TMEM232: variants seen among roughly 807,000 people sequenced by gnomAD.
The protein encoded by TMEM232 is transmembrane protein 232.
In TMEM232, 80 loss-of-function variants were observed where a neutral mutation model predicts 78.8. The observed-to-expected ratio is 1.01, with a 90% confidence interval of 0.85 to 1.22. TMEM232 has a LOEUF of 1.22. TMEM232 is among the 50% of genes most tolerant of loss of function. The pLI is 0.00. For missense variants in TMEM232, 881 were observed against 742.2 expected (o/e 1.19, Z -2.17); for synonymous variants, 297 against 254.3 (o/e 1.17, Z -1.60).
At chr5:110,685,466 T>C (rs1017570434) in intron 1 of TMEM232, among the ~76,000 whole-genome samples, 7 of 152,110 alleles carry the variant, frequency 4.6e-5, no homozygotes, top group Non-Finnish European at 1.0e-4. Flanking sequence ...AACTTCTATT[T>C]CACACTAACT....
chr5:110,679,576 T>A (rs1287975332), intron 1 of TMEM232, among the ~76,000 whole-genome samples: 1 of 152,214 alleles, frequency 6.6e-6, no homozygotes, highest in Non-Finnish European at 1.5e-5. Context: ...TTTGGTGTCA[T>A]ATCTAAAAAG....
At chr5:110,648,677 A>C (rs1787863208) in intron 2 of TMEM232, among the ~76,000 whole-genome samples, 1 of 151,910 alleles carries the variant, frequency 6.6e-6, no homozygotes, top group Admixed American at 6.6e-5. Flanking sequence ...TTATGGTAAA[A>C]CAAACAAACA....
At position 110,420,474 on chromosome 5, in the gene TMEM232, T is replaced by A; in HGVS notation, c.*106A>T. 4 of 681,590 alleles carry A rather than the reference T, an allele frequency of 5.9e-6. No homozygotes were observed. The highest frequency in any genetic ancestry group is 8.8e-6 in the Non-Finnish European group (4 of 455,572). 42.2% of individuals were successfully genotyped at this position (681,590 alleles called of 1,614,324 possible). A position where few individuals can be genotyped will look rare whatever the true frequency, so the allele number is the denominator to read the frequency against. On this transcript the variant is annotated 3_prime_UTR_variant, in exon 14 of 14. Transcript: ENST00000455884. ...ATTCTTTCTAAACAATACCTCCATT[T>A]AATGACAAGAAAGTTCTCTTACTAT...
rs1203041703 is a variant in TMEM232 at position 110,394,427 on chromosome 5, T to G, written n.390+3346A>C. Among the ~76,000 whole-genome samples the G allele has an allele frequency of 2.0e-5, 3 of 152,236 alleles. No homozygotes were observed. The East Asian group carries it at 5.8e-4, about 29-fold the overall frequency. On this transcript the variant is annotated intron_variant and non_coding_transcript_variant, in intron 3 of 8. Coordinates refer to the TMEM232 transcript ENST00000507188. The stretch of plus-strand genomic sequence containing the variant: ...TGCAGTAAACATGAGAGTGCAGATT[T>G]CTTATCAATATACTGATTTCCTTTC...
At position 110,568,332 on chromosome 5, in the gene TMEM232, C is replaced by T. The variant is rs529778915; in HGVS notation, c.1455+115G>A. 3.0e-4 allele frequency: 296 copies of T among 979,666 alleles called. 3 individuals are homozygous for T. The South Asian group carries it at 5.3e-3, about 18-fold the overall frequency. The allele number at this position is 979,666 out of a possible 1,614,324, so 60.7% of individuals were successfully genotyped here. ...TTAAGTTTTAAAAATATTATTCTCA[C>T]CTGTAAGTCATTAATACTCACTGAA... is the stretch of plus-strand genomic sequence containing the variant. On this transcript the variant is annotated intron_variant, in intron 11 of 13. Coordinates refer to ENST00000455884, the MANE Select transcript of TMEM232 (RefSeq NM_001039763.4).
chr5:110,584,550 TGAA>T (rs753770187), intron 10 of TMEM232, among the ~76,000 whole-genome samples: 71 of 152,220 alleles, frequency 4.7e-4, no homozygotes, highest in Middle Eastern at 3.4e-3. Context: ...TAATACAAGA[TGAA>T]TAAGTTCTAG....
chr5:110,695,748 C>A (rs147964918), intron 1 of TMEM232, among the ~76,000 whole-genome samples: 1 of 152,136 alleles, frequency 6.6e-6, no homozygotes, highest in African/African-American at 2.4e-5. Flanking sequence ...AAAAACTAAA[C>A]CAGCAAGAAG....
At chr5:110,474,624 T>C (rs1763047597) in intron 12 of TMEM232, among the ~76,000 whole-genome samples, 3 of 151,928 alleles carry the variant, frequency 2.0e-5, no homozygotes, top group Admixed American at 2.0e-4. Flanking sequence ...CAGAAAAAAT[T>C]GTTATCCTTA....
intron 2 of TMEM232, among the ~76,000 whole-genome samples, chr5:110,652,991 G>A (rs1272432658): frequency 1.3e-5 from 2 of 152,144 alleles, no homozygotes; most frequent in Non-Finnish European, 2.9e-5. Flanking sequence ...TACATTATCT[G>A]TGAATTCTGT....
At chr5:110,734,134 T>C (rs1798942775) in intron 2 of TMEM232, among the ~76,000 whole-genome samples, 1 of 152,238 alleles carries the variant, frequency 6.6e-6, no homozygotes, top group Non-Finnish European at 1.5e-5. Context: ...ATCACCAAAA[T>C]AATCTTAGTG....
At chr5:110,532,448 T>C (rs976587671) in intron 11 of TMEM232, among the ~76,000 whole-genome samples, 1 of 151,842 alleles carries the variant, frequency 6.6e-6, no homozygotes, top group Non-Finnish European at 1.5e-5. Flanking sequence ...TTACCTTCTT[T>C]TCAAAGGCCT....
chr5:110,571,670 TTTTG>T (rs778515467), intron 10 of TMEM232, among the ~76,000 whole-genome samples: 21 of 151,150 alleles, frequency 1.4e-4, no homozygotes, highest in Admixed American at 1.1e-3. Flanking sequence ...TAGTTGTTTT[TTTTG>T]TTTGTTTGTT....
chr5:110,394,301 A>G (rs547270736), intron 3 of TMEM232, among the ~76,000 whole-genome samples: 16 of 152,308 alleles, frequency 1.1e-4, no homozygotes, highest in African/African-American at 3.8e-4. Flanking sequence ...TTTTATGTCT[A>G]CATGGTACTC....
At position 110,716,174 on chromosome 5, in the gene TMEM232, T is replaced by C. The variant is rs76728318; in HGVS notation, c.-13+10453A>G. Reference sequence around the variant, plus strand: ...CTCCTGAGGACTGTGTCATGGGCCATGGGTACTCGTATTTGGCTCAGAATA... The same window carrying C: ...CTCCTGAGGACTGTGTCATGGGCCACGGGTACTCGTATTTGGCTCAGAATA... On this transcript the variant is annotated intron_variant, in intron 1 of 13. Coordinates refer to ENST00000455884, the MANE Select transcript of TMEM232 (RefSeq NM_001039763.4). Among the ~76,000 whole-genome samples the C allele has an allele frequency of 2.8e-3, 428 of 152,204 alleles. 2 individuals carry two copies. Among genetic ancestry groups the C allele is most frequent in the Non-Finnish European group, 4.4e-3 (299 of 67,992 alleles).
At chr5:110,514,285 C>T (rs879528202) in intron 12 of TMEM232, among the ~76,000 whole-genome samples, 5 of 151,984 alleles carry the variant, frequency 3.3e-5, no homozygotes, top group Non-Finnish European at 7.4e-5. Flanking sequence ...AAAAGGAAAT[C>T]ATCATGAACC....
intron 1 of TMEM232, among the ~76,000 whole-genome samples, chr5:110,736,372 T>C (rs141498922): frequency 0.012 from 1,824 of 152,046 alleles, 14 homozygotes; most frequent in African/African-American, 0.021. Flanking sequence ...ATAATTTTTC[T>C]TCTTACAAAA....
rs192149768 is a variant in TMEM232 at position 110,717,523 on chromosome 5, T to C, written c.-13+9104A>G. Among the ~76,000 whole-genome samples the C allele has an allele frequency of 2.4e-3, 363 of 152,254 alleles. 1 individual carries two copies. The highest frequency in any genetic ancestry group is 8.4e-3 in the African/African-American group (348 of 41,554). ...CAACAAAGATAGCAAAACTGATGTG[T>C]CCTCTTGCCCAATGTCCTTAAGCAA... On this transcript the variant is annotated intron_variant, in intron 1 of 13. Coordinates refer to ENST00000455884, the MANE Select transcript of TMEM232 (RefSeq NM_001039763.4).
chr5:110,536,032 C>G (rs1772299752), intron 11 of TMEM232, among the ~76,000 whole-genome samples: 1 of 152,204 alleles, frequency 6.6e-6, no homozygotes, highest in African/African-American at 2.4e-5. Context: ...TGGGTTAAGT[C>G]TTTACTTGCA....
chr5:110,471,395 T>G (rs1431761359), intron 12 of TMEM232, among the ~76,000 whole-genome samples: 1 of 152,052 alleles, frequency 6.6e-6, no homozygotes, highest in Non-Finnish European at 1.5e-5. Context: ...GAAATCCAGA[T>G]AGATGAAGCT....
Sources: gnomAD v4.1 joint callset for allele counts (sites outside exome capture counted in the v4.1 genomes callset) on GRCh38, gnomAD v4.1.1 for gene constraint, MANE v1.5 for transcripts, NCBI Gene and HGNC (gene_info 2026-07-23, HGNC 2026-07-21) for gene names.